Variants in WWOX observed in about 807,000 individuals in gnomAD.
WWOX encodes the protein WW domain containing oxidoreductase.
Under a neutral mutation model 46.2 loss-of-function variants are expected in WWOX, and 69 were observed. The ratio of observed to expected loss-of-function variants is 1.49; its 90% CI spans 1.23 to 1.82. The LOEUF (loss-of-function observed/expected upper bound fraction) is 1.82. Among genes scored for constraint, WWOX ranks in the 40% most tolerant of loss-of-function variants. WWOX has a pLI of 0.00. For synonymous variants in WWOX, 359 were observed against 202.6 expected, an observed-to-expected ratio of 1.77 and a Z score of -6.56; for missense variants, 919 against 542.6, an observed-to-expected ratio of 1.69 and a Z score of -6.89.
chr16:78,661,448 C>G (rs1489843196), intron 8 of WWOX, among the ~76,000 whole-genome samples: 4 of 152,098 alleles, frequency 2.6e-5, no homozygotes, highest in African/African-American at 7.2e-5. Flanking sequence ...TTCTGTATGA[C>G]TTTATCTGCT....
At chr16:78,658,114 C>G (rs138493882) in intron 8 of WWOX, among the ~76,000 whole-genome samples, 4 of 152,014 alleles carry the variant, frequency 2.6e-5, no homozygotes, top group African/African-American at 4.8e-5. Flanking sequence ...CCACTAGATG[C>G]CAGTAGCATC....
intron 8 of WWOX, chr16:78,691,152 A>G: frequency 3.0e-6 from 2 of 674,702 alleles, no homozygotes; most frequent in Non-Finnish European, 5.4e-6. Context: ...GCAAAAGCAC[A>G]GTATTTCCCC....
intron 8 of WWOX, among the ~76,000 whole-genome samples, chr16:78,873,798 A>G (rs1216149096): frequency 6.6e-6 from 1 of 152,156 alleles, no homozygotes; most frequent in African/African-American, 2.4e-5. Flanking sequence ...AAAAGTAAAT[A>G]AAATAGTAAA....
At chr16:78,363,269 G>T (rs2081452078) in intron 5 of WWOX, among the ~76,000 whole-genome samples, 1 of 151,246 alleles carries the variant, frequency 6.6e-6, no homozygotes, top group Admixed American at 6.6e-5. Context: ...GCAAGTTTGG[G>T]GCATTTTTGA....
intron 6 of WWOX, among the ~76,000 whole-genome samples, chr16:78,418,262 G>A (rs2082843548): frequency 6.6e-6 from 1 of 152,036 alleles, no homozygotes; most frequent in Non-Finnish European, 1.5e-5. Context: ...TACTTGGGAG[G>A]CTGAGGCAGG....
At chr16:78,579,079 C>A (rs2044980006) in intron 8 of WWOX, among the ~76,000 whole-genome samples, 1 of 152,016 alleles carries the variant, frequency 6.6e-6, no homozygotes, top group South Asian at 2.1e-4. Context: ...TTGTCAGCCA[C>A]TTCATCATGT....
intron 8 of WWOX, among the ~76,000 whole-genome samples, chr16:79,208,912 C>G (rs551419967): frequency 1.3e-5 from 2 of 152,124 alleles, no homozygotes; most frequent in South Asian, 2.1e-4. Context: ...AATTGTCCAG[C>G]AAGGGAGGAA....
At chr16:78,795,736 C>T (rs1022135775) in intron 8 of WWOX, among the ~76,000 whole-genome samples, 7 of 152,196 alleles carry the variant, frequency 4.6e-5, no homozygotes, top group African/African-American at 7.2e-5. Context: ...TATTTCTCAA[C>T]CTCAGGTTTT....
intron 7 of WWOX, among the ~76,000 whole-genome samples, chr16:78,425,909 T>C (rs1372798099): frequency 6.7e-6 from 1 of 149,612 alleles, no homozygotes; most frequent in Admixed American, 6.6e-5. Flanking sequence ...TGAAATGTTT[T>C]AGTGACCCAG....
chr16:78,236,802 C>A (rs2037453471), intron 5 of WWOX, among the ~76,000 whole-genome samples: 1 of 152,018 alleles, frequency 6.6e-6, no homozygotes, highest in African/African-American at 2.4e-5. Flanking sequence ...TACGGCTGGG[C>A]CCGGTGGCTC....
chr16:78,429,756 C>T (rs568024418), intron 7 of WWOX, among the ~76,000 whole-genome samples: 2 of 152,090 alleles, frequency 1.3e-5, no homozygotes, highest in African/African-American at 2.4e-5. Context: ...ACATAACTTA[C>T]ATGCACAAAT....
chr16:79,104,967 C>T (rs939101402), intron 8 of WWOX, among the ~76,000 whole-genome samples: 1 of 152,172 alleles, frequency 6.6e-6, no homozygotes, highest in Non-Finnish European at 1.5e-5. Context: ...GGAGGGTGCA[C>T]CTGTCCGCCA....
chr16:78,584,613 C>T lies in WWOX; in HGVS notation c.1056+151861C>T, dbSNP rs991613562. ...AGGCATGCTGTTGAGTGAAAGAAGA[C>T]AGACTGTTACCAGAGGACATATTCT... On this transcript the variant is annotated intron_variant, in intron 8 of 8. Transcript: ENST00000566780. 3.3e-5 allele frequency among the ~76,000 whole-genome samples: 5 copies of T among 152,306 alleles called. No individual in the cohort carries two copies. The South Asian group carries it at 1.0e-3, about 32-fold the overall frequency.
chr16:78,560,826 A>G (rs573358574), intron 8 of WWOX, among the ~76,000 whole-genome samples: 198 of 152,264 alleles, frequency 1.3e-3, no homozygotes, highest in Non-Finnish European at 2.0e-3. Flanking sequence ...AGAAAATTTT[A>G]TTTGAAAGCT....
At chr16:78,608,335 C>G (rs2045814106) in intron 8 of WWOX, among the ~76,000 whole-genome samples, 1 of 152,188 alleles carries the variant, frequency 6.6e-6, no homozygotes, top group African/African-American at 2.4e-5. Flanking sequence ...GTTTTGCTTT[C>G]TTTCAAAGCC....
At chr16:78,461,454 C>G (rs1238704580) in intron 8 of WWOX, among the ~76,000 whole-genome samples, 1 of 152,148 alleles carries the variant, frequency 6.6e-6, no homozygotes, top group African/African-American at 2.4e-5. Flanking sequence ...AGAAACCCAG[C>G]CAAACAAGTG....
chr16:78,151,142 G>C (rs1170323134), intron 4 of WWOX, among the ~76,000 whole-genome samples: 1 of 151,630 alleles, frequency 6.6e-6, no homozygotes, highest in Admixed American at 6.6e-5. Context: ...TTCCCAATGT[G>C]CTAGGATTAC....
In WWOX at chr16:79,049,337, C is replaced by G. The variant is rs111801700; in HGVS notation, c.1057-162271C>G. 2.5e-3 allele frequency among the ~76,000 whole-genome samples: 379 copies of G among 152,328 alleles called. 3 individuals carry two copies. The highest frequency in any genetic ancestry group is 8.8e-3 in the African/African-American group (366 of 41,584). ...AGCAGCACGTGCCCGCTCTTTCACA[C>G]TGGGGCAAACACAGGGGATTTATTC... On this transcript the variant is annotated intron_variant, in intron 8 of 8. Transcript: ENST00000566780.
chr16:79,039,878 C>G (rs2047938364), intron 8 of WWOX, among the ~76,000 whole-genome samples: 2 of 152,170 alleles, frequency 1.3e-5, no homozygotes, highest in Non-Finnish European at 2.9e-5. Context: ...TTCCAGGAAG[C>G]CACATTCCAT....
Sources: gnomAD v4.1 joint callset for allele counts (sites outside exome capture counted in the v4.1 genomes callset) on GRCh38, gnomAD v4.1.1 for gene constraint, MANE v1.5 for transcripts, NCBI Gene and HGNC (gene_info 2026-07-23, HGNC 2026-07-21) for gene names.